TTC28: variants seen among roughly 807,000 people sequenced by gnomAD.
TTC28 encodes the protein tetratricopeptide repeat protein 28.
Under a neutral mutation model 198.0 loss-of-function variants are expected in TTC28, and 61 were observed. That is an observed-to-expected ratio of 0.31 (90% CI 0.25 to 0.38). The LOEUF is 0.38. TTC28 is among the 10% of genes least tolerant of loss of function. TTC28 has a pLI of 1.00. For missense variants in TTC28, 2,678 were observed against 3,164.0 expected (o/e 0.85, Z 3.69); for synonymous variants, 1,171 against 1,297.8 (o/e 0.90, Z 2.10).
At chr22:28,321,417 G>C (rs182646028) in intron 2 of TTC28, among the ~76,000 whole-genome samples, 46 of 152,232 alleles carry the variant, frequency 3.0e-4, no homozygotes, top group Admixed American at 8.5e-4. Flanking sequence ...TCCATACATT[G>C]AATTTTACAA....
In TTC28 at chr22:28,296,286, G is replaced by C; in HGVS notation, c.845C>G (p.Ser282Cys). ...GECRAHGNLG[S>C]AFFSKGNYRE... ...GTAATTTCCTTTGGAGAAGAATGCAGAGCCCAGATTCCCATGAGCTCGGCA... is the reference window on the plus strand; with the variant it reads ...GTAATTTCCTTTGGAGAAGAATGCACAGCCCAGATTCCCATGAGCTCGGCA... The change falls in exon 5 of 23, where the codon TCT becomes TGT. Residue 282 changes from serine to cysteine, a missense_variant. By Grantham distance (112) the Ser-to-Cys change is moderately radical (BLOSUM62 -1). This residue lies in a region of TTC28 where 775 missense variants were observed against 845.9 expected (regional missense o/e 0.92). Transcript: ENST00000397906. 4 of 1,550,360 alleles carry C rather than the reference G, an allele frequency of 2.6e-6. No individual in the cohort carries two copies. The highest frequency in any genetic ancestry group is 3.5e-6 in the Non-Finnish European group (4 of 1,146,424).
intron 14 of TTC28, among the ~76,000 whole-genome samples, chr22:28,003,912 C>T (rs910875253): frequency 2.0e-5 from 3 of 152,214 alleles, no homozygotes; most frequent in African/African-American, 7.2e-5. Flanking sequence ...TTCCCATCAG[C>T]CACTGAGTGG....
intron 5 of TTC28, among the ~76,000 whole-genome samples, chr22:28,272,062 C>G (rs1208433011): frequency 6.6e-6 from 1 of 152,142 alleles, no homozygotes; most frequent in Non-Finnish European, 1.5e-5. Context: ...TTATAAATTA[C>G]CCACTCTCGG....
chr22:28,345,008 C>A (rs2045883983), intron 2 of TTC28, among the ~76,000 whole-genome samples: 1 of 152,186 alleles, frequency 6.6e-6, no homozygotes, highest in South Asian at 2.1e-4. Context: ...CGTCACATCA[C>A]ACACATTTCT....
chr22:28,069,819 T>C (rs542242259), intron 12 of TTC28, among the ~76,000 whole-genome samples: 1 of 152,138 alleles, frequency 6.6e-6, no homozygotes, highest in African/African-American at 2.4e-5. Flanking sequence ...CCACGGAGTT[T>C]GTATTTCTAG....
In TTC28 at chr22:27,983,090, G is replaced by T; in HGVS notation, c.6577C>A (p.Pro2193Thr). The T allele has an allele frequency of 6.4e-7, 1 of 1,551,698 alleles. No homozygotes were observed. Among genetic ancestry groups the T allele is most frequent in the Non-Finnish European group, 8.7e-7 (1 of 1,147,000 alleles). ...SGGQVSKSNN[P>T]EDGVQAPSST... is the part of the protein sequence containing the mutation. ...CTGGGCGCCTGAACGCCGTCTTCAG[G>T]GTTATTACTCTTGCTCACCTGGCCG... The change falls in exon 23 of 23, where the codon CCT (proline) becomes ACT (threonine). Residue 2193 changes from proline (P) to threonine (T), a missense_variant. This residue lies in a region of TTC28 where 622 missense variants were observed against 656.0 expected (regional missense o/e 0.95). Transcript: ENST00000397906.
At chr22:28,525,740 AC>A (rs1380322181) in intron 2 of TTC28, among the ~76,000 whole-genome samples, 1 of 152,174 alleles carries the variant, frequency 6.6e-6, no homozygotes, top group African/African-American at 2.4e-5. Context: ...TGAAAATTAA[AC>A]CCTATGGGAA....
At chr22:28,546,537 T>C (rs1024596995) in intron 2 of TTC28, among the ~76,000 whole-genome samples, 2 of 152,216 alleles carry the variant, frequency 1.3e-5, no homozygotes, top group African/African-American at 4.8e-5. Flanking sequence ...TTGGTGAGCA[T>C]GTAAAGTGGT....
At chr22:28,218,036 C>T (rs1927542789) in intron 5 of TTC28, among the ~76,000 whole-genome samples, 1 of 152,108 alleles carries the variant, frequency 6.6e-6, no homozygotes, top group Non-Finnish European at 1.5e-5. Context: ...AAAAAACAGC[C>T]TCACATAGAT....
chr22:28,022,911 G>T (rs901198088), intron 13 of TTC28, among the ~76,000 whole-genome samples: 1 of 152,250 alleles, frequency 6.6e-6, no homozygotes, highest in Admixed American at 6.5e-5. Context: ...GGTGAACCTG[G>T]TGAACACTGC....
chr22:28,487,684 T>C (rs926364564), intron 2 of TTC28, among the ~76,000 whole-genome samples: 3 of 152,102 alleles, frequency 2.0e-5, no homozygotes, highest in Non-Finnish European at 4.4e-5. Flanking sequence ...TTTTCATCCA[T>C]TGTAAGCATA....
In TTC28 at chr22:27,990,905, C is replaced by A. The variant is rs1601487861; in HGVS notation, c.5554-93G>T. ...GCTGTTATGCAACATGAGCTGATCA[C>A]TGTTTAGGAAGCGCCACACCAGGCC... On this transcript the variant is annotated intron_variant, in intron 19 of 22. Transcript: ENST00000397906. The A allele has an allele frequency of 3.7e-6, 5 of 1,343,136 alleles. No individual in the cohort carries two copies. The East Asian group carries it at 1.3e-4, about 34-fold the overall frequency. 83.2% of individuals were successfully genotyped at this position (1,343,136 alleles called of 1,614,324 possible).
chr22:27,993,072 TGCC>T, intron 18 of TTC28: 1 of 593,150 alleles, frequency 1.7e-6, no homozygotes, highest in Non-Finnish European at 2.9e-6. Context: ...GGGGCGCAGA[TGCC>T]TGCCATCACA....
At chr22:28,642,950 C>A (rs1287935384) in intron 1 of TTC28, 1 of 152,100 alleles carries the variant, frequency 6.6e-6, no homozygotes, top group Admixed American at 6.6e-5. Flanking sequence ...AGATAGAGAA[C>A]ATTTTTTATT....
chr22:28,640,368 T>G (rs1350834759), intron 1 of TTC28, among the ~76,000 whole-genome samples: 1 of 150,790 alleles, frequency 6.6e-6, no homozygotes, highest in African/African-American at 2.4e-5. Context: ...CCAAGAGGTC[T>G]GATACACATA....
At chr22:28,492,168 G>A (rs948144641) in intron 2 of TTC28, among the ~76,000 whole-genome samples, 7 of 152,000 alleles carry the variant, frequency 4.6e-5, no homozygotes, top group Non-Finnish European at 7.4e-5. Flanking sequence ...GCTAAATGAC[G>A]AGTTAATGGG....
intron 2 of TTC28, among the ~76,000 whole-genome samples, chr22:28,346,760 T>C (rs990053457): frequency 2.0e-5 from 3 of 152,074 alleles, no homozygotes; most frequent in Admixed American, 6.5e-5. Context: ...AAGGAAAGGA[T>C]AGGATGAAAT....
intron 2 of TTC28, among the ~76,000 whole-genome samples, chr22:28,571,230 C>T (rs1282538726): frequency 2.0e-5 from 3 of 152,160 alleles, no homozygotes; most frequent in Non-Finnish European, 4.4e-5. Context: ...ATCTTCGGCA[C>T]CACTTCTACC....
At chr22:28,676,169 C>T (rs1204134538) in intron 1 of TTC28, among the ~76,000 whole-genome samples, 2 of 152,154 alleles carry the variant, frequency 1.3e-5, no homozygotes, top group African/African-American at 4.8e-5. Context: ...CAAAAGATTA[C>T]TCAGCATTAA....
Sources: gnomAD v4.1 joint callset for allele counts (sites outside exome capture counted in the v4.1 genomes callset) on GRCh38, gnomAD v4.1.1 for gene constraint, gnomAD v4.1.1 regional missense constraint, MANE v1.5 for transcripts, NCBI Gene and HGNC (gene_info 2026-07-23, HGNC 2026-07-21) for gene names.